Variants in ZNF287 observed in about 807,000 individuals in gnomAD.
The protein encoded by ZNF287 is zinc finger protein 287.
A neutral mutation model predicts 73.7 loss-of-function variants in ZNF287; 31 were observed. That is an observed-to-expected ratio of 0.42 (90% CI 0.32 to 0.57). ZNF287 has a LOEUF of 0.57. Among genes scored for constraint, ZNF287 ranks in the 20% least tolerant of loss-of-function variants. The pLI, the probability that ZNF287 is intolerant of heterozygous loss-of-function variation, is 0.13. For missense variants in ZNF287, 641 were observed against 909.3 expected, an observed-to-expected ratio of 0.70 and a Z score of 3.79; for synonymous variants, 301 against 307.2, an observed-to-expected ratio of 0.98 and a Z score of 0.21.
chr17:16,566,718 G>T, intron 2 of ZNF287, 96 bp from the exon 3 acceptor site: 1 of 785,180 alleles, frequency 1.3e-6, no homozygotes, highest in Non-Finnish European at 2.0e-6. Context: ...CTTAAATCGA[G>T]AAGTAAGAAG....
chr17:16,563,401 A>T, intron 4 of ZNF287, 169 bp from the exon 5 acceptor site: 1 of 603,784 alleles, frequency 1.7e-6, no homozygotes, highest in Non-Finnish European at 2.8e-6. Context: ...TTTCAGAGAC[A>T]GGATAACAAT....
At chr17:16,566,414 C>T (rs545153660) in intron 3 of ZNF287, 111 bp downstream of exon 3, 10 of 813,060 alleles carry the variant, frequency 1.2e-5, no homozygotes, top group Non-Finnish European at 1.7e-5. Context: ...GAAACTGGGG[C>T]TTAAGTCCTT....
chr17:16,563,051 A>G, intron 5 of ZNF287, 95 bp downstream of exon 5: 1 of 1,023,572 alleles, frequency 9.8e-7, no homozygotes. Context: ...TGCCTTTGCA[A>G]AAAGTGACCT....
At chr17:16,565,181 C>G (rs897284992) in intron 3 of ZNF287, among the ~76,000 whole-genome samples, 4 of 151,596 alleles carry the variant, frequency 2.6e-5, no homozygotes, top group African/African-American at 7.3e-5. Context: ...ATAGTGAGAT[C>G]CCATCTCTTA....
intron 5 of ZNF287, among the ~76,000 whole-genome samples, chr17:16,561,227 T>C (rs901234770): frequency 2.6e-5 from 4 of 151,998 alleles, no homozygotes; most frequent in African/African-American, 7.3e-5. Flanking sequence ...GGCAGGAGAA[T>C]TGCTTGAACT....
chr17:16,552,982 T>C lies in ZNF287; in HGVS notation c.1160A>G (p.Gln387Arg), dbSNP rs1906785044. Residue 387 changes from glutamine (Q) to arginine (R), a missense_variant, in exon 6 of 6, where the codon CAA (glutamine) becomes CGA (arginine). By Grantham distance (43) the Gln-to-Arg change is conservative. Around this residue, in one of 2 missense-constraint regions of ZNF287, gnomAD observed 284 missense variants for 466.8 expected, o/e 0.61. Transcript: ENST00000395825. The surrounding 1 kb of genome is among the most constrained non-coding windows in gnomAD (Gnocchi z 6.5). ...CGATTTCTCTTTGGCATGGGTACTT[T>C]GGTGTTTCAGGAGGGATGGGTATTT... ...FRKYPSLLKH[Q>R]STHAKEKSYE... The C allele has an allele frequency of 1.2e-5, 19 of 1,614,064 alleles. No individual in the cohort carries two copies. Among genetic ancestry groups the C allele is most frequent in the Non-Finnish European group, 1.5e-5 (18 of 1,180,034 alleles).
rs527489997 is a variant in ZNF287, at chr17:16,560,501, C to G, written c.715+2645G>C. Among the ~76,000 whole-genome samples the G allele has an allele frequency of 1.3e-3, 199 of 151,528 alleles. 1 individual carries two copies. The highest frequency in any genetic ancestry group is 4.6e-3 in the African/African-American group (192 of 41,344). On this transcript the variant is annotated intron_variant, in intron 5 of 5. Coordinates refer to ENST00000395825, the MANE Select transcript of ZNF287 (RefSeq NM_020653.4). ...AGTAGCTGGGATTACAGGCACCCAC[C>G]ACCACGCCCAGCTAATTTTTGTATT...
rs575609035 is a variant in ZNF287, at chr17:16,552,013, T to G, written c.2129A>C (p.Asp710Ala). Residue 710 changes from aspartate (D) to alanine (A), a missense_variant, in exon 6 of 6, where the codon GAT becomes GCT. Asp to Ala is a moderately radical substitution (Grantham distance 126, BLOSUM62 -2). Transcript: ENST00000395825. The surrounding 1 kb of genome is among the most constrained non-coding windows in gnomAD (Gnocchi z 6.5). ...GCATGTTCTCTGGCTAAAATCCTTA[T>G]CACATTCATTACATTTATAGGGTCT... ...GERPYKCNECDKDFSQRTCLI... is the reference protein window; with the variant it reads ...GERPYKCNECAKDFSQRTCLI... 1 of 1,614,098 alleles carries G rather than the reference T, an allele frequency of 6.2e-7. No individual in the cohort carries two copies. Among genetic ancestry groups the G allele is most frequent in the Non-Finnish European group, 8.5e-7 (1 of 1,179,972 alleles).
At position 16,553,136 on chromosome 17, in the gene ZNF287, C is replaced by A; in HGVS notation, c.1006G>T (p.Asp336Tyr). The stretch of plus-strand genomic sequence containing the variant: ...TCATTATACACAGAAGTTTTATTAT[C>A]TAATTGGGTATCAAACTGTACAATT... ...NLIVQFDTQL[D>Y]NKTSVYNEGR... is the part of the protein sequence containing the mutation. Residue 336 changes from aspartate to tyrosine, a missense_variant, in exon 6 of 6, where the codon GAT becomes TAT. Coordinates refer to ENST00000395825, the MANE Select transcript of ZNF287 (RefSeq NM_020653.4). The A allele has an allele frequency of 6.2e-7, 1 of 1,612,466 alleles. No homozygotes were observed. The highest frequency in any genetic ancestry group is 8.5e-7 in the Non-Finnish European group (1 of 1,178,508).
In ZNF287 at chr17:16,556,973, G is replaced by A. The variant is rs143580812; in HGVS notation, c.716-3547C>T. ...AGCGATTCTCTTGCCTCAGCCTCCC[G>A]AGTAGCTGAGATTACAGGCATGTGC... On this transcript the variant is annotated intron_variant, in intron 5 of 5. Transcript: ENST00000395825. Among the ~76,000 whole-genome samples, 41 of 151,768 alleles carry A rather than the reference G, an allele frequency of 2.7e-4. 1 individual carries two copies. The highest frequency in any genetic ancestry group is 6.3e-4 in the African/African-American group (26 of 41,370).
At position 16,553,349 on chromosome 17, in the gene ZNF287, T is replaced by G. The variant is rs1405451908; in HGVS notation, c.793A>C (p.Lys265Gln). The G allele has an allele frequency of 6.2e-7, 1 of 1,612,900 alleles. No homozygotes were observed. The highest frequency in any genetic ancestry group is 1.7e-5 in the Admixed American group (1 of 59,976). Residue 265 changes from lysine (K) to glutamine (Q), a missense_variant, in exon 6 of 6, where the codon AAA becomes CAA. Physicochemically the swap from Lys to Gln is moderately conservative, Grantham distance 53. This residue lies in a region of ZNF287 where 357 missense variants were observed against 442.4 expected (regional missense o/e 0.81). Coordinates refer to ENST00000395825, the MANE Select transcript of ZNF287 (RefSeq NM_020653.4). ...TCGTAGTCATATGAGTCTTCTAATT[T>G]GATGGTATGGGTTTCTTCCTTTGTG... is the stretch of plus-strand genomic sequence containing the variant. ...KLTKEETHTI[K>Q]LEDSYDYDDR...
chr17:16,559,619 C>T (rs1353755032), intron 5 of ZNF287, among the ~76,000 whole-genome samples: 1 of 144,772 alleles, frequency 6.9e-6, no homozygotes, highest in Non-Finnish European at 1.5e-5. Context: ...TAGCTCTATC[C>T]ACTGAACAGA....
At chr17:16,555,901 A>G (rs1309639351) in intron 5 of ZNF287, among the ~76,000 whole-genome samples, 2 of 152,340 alleles carry the variant, frequency 1.3e-5, no homozygotes, top group East Asian at 3.9e-4. Context: ...ACTTTCTAAG[A>G]GGCAGATCAT....
intron 5 of ZNF287, among the ~76,000 whole-genome samples, chr17:16,557,540 C>A (rs1907153085): frequency 6.6e-6 from 1 of 152,060 alleles, no homozygotes; most frequent in African/African-American, 2.4e-5. Context: ...TCCTGAAGTA[C>A]CCTAACCAAA....
rs1274701878 is a variant in ZNF287, at chr17:16,551,724, ACTT to A, written c.*129_*131del. 39 of 930,280 alleles carry A rather than the reference ACTT, an allele frequency of 4.2e-5. No individual in the cohort carries two copies. The highest frequency in any genetic ancestry group is 2.8e-4 in the South Asian group (16 of 56,306). The allele number at this position is 930,280 out of a possible 1,614,324, so 57.6% of individuals were successfully genotyped here. Reference sequence around the variant, plus strand: ...CTAAATAGGTTATATCCATACCACTACTTCTGATACTTCTGCTGAGTATCTAAC... The same window carrying A: ...CTAAATAGGTTATATCCATACCACTACTGATACTTCTGCTGAGTATCTAAC... On this transcript the variant is annotated 3_prime_UTR_variant, in exon 6 of 6. Transcript: ENST00000395825.
At position 16,553,070 on chromosome 17, in the gene ZNF287, G is replaced by T. The variant is rs767166203; in HGVS notation, c.1072C>A (p.His358Asn). The T allele has an allele frequency of 2.5e-6, 4 of 1,614,092 alleles. No homozygotes were observed. Among genetic ancestry groups the T allele is most frequent in the Non-Finnish European group, 3.4e-6 (4 of 1,180,012 alleles). ...TTCTCTCCAGGAAGTATTTTCCTAT[G>T]TACAATACCATATGAGACATGATTG... ...TFNHVSYGIV[H>N]RKILPGEKPY... Residue 358 changes from histidine to asparagine, a missense_variant, in exon 6 of 6, where the codon CAT becomes AAT. Physicochemically the swap from His to Asn is moderately conservative, Grantham distance 68. Transcript: ENST00000395825.
intron 5 of ZNF287, among the ~76,000 whole-genome samples, chr17:16,560,957 C>A (rs1006961439): frequency 2.0e-5 from 3 of 150,346 alleles, no homozygotes; most frequent in Non-Finnish European, 3.0e-5. Flanking sequence ...GAGCCAAGGT[C>A]CCCCCACTGC....
intron 5 of ZNF287, among the ~76,000 whole-genome samples, chr17:16,562,226 A>C (rs1052371543): frequency 2.0e-5 from 3 of 147,276 alleles, no homozygotes; most frequent in African/African-American, 7.3e-5. Context: ...TTCAATAATA[A>C]AAATATGATG....
Position 16,569,106 on chromosome 17 carries a change from T to C in ZNF287, c.-353A>G, listed in dbSNP as rs1437562762. The C allele has an allele frequency of 6.6e-6, 1 of 152,318 alleles. No homozygotes were observed. The highest frequency in any genetic ancestry group is 2.4e-5 in the African/African-American group (1 of 41,424). The allele number at this position is 152,318 out of a possible 1,614,324, so 9.4% of individuals were successfully genotyped here. A position where few individuals can be genotyped will look rare whatever the true frequency, so the allele number is the denominator to read the frequency against. ...CTTCCCTTCCCCGCAAAGCACAGAGTGTCCCGGCCAGGAGCTGCACGTTCC... is the reference window on the plus strand; with the variant it reads ...CTTCCCTTCCCCGCAAAGCACAGAGCGTCCCGGCCAGGAGCTGCACGTTCC... On this transcript the variant is annotated 5_prime_UTR_variant, in exon 1 of 6. Coordinates refer to ENST00000395825, the MANE Select transcript of ZNF287 (RefSeq NM_020653.4).
Sources: gnomAD v4.1 joint callset for allele counts (sites outside exome capture counted in the v4.1 genomes callset) on GRCh38, gnomAD v4.1.1 for gene constraint, gnomAD v4.1.1 regional missense constraint, Gnocchi (gnomAD v3.1) non-coding constraint, MANE v1.5 for transcripts, NCBI Gene and HGNC (gene_info 2026-07-23, HGNC 2026-07-21) for gene names.